ZBTB20: variants seen among roughly 807,000 people sequenced by gnomAD.
ZBTB20 encodes zinc finger and BTB domain-containing protein 20.
ZBTB20 carries 9 observed loss-of-function variants against 56.9 expected under a neutral mutation model. That is an observed-to-expected ratio of 0.16 (90% CI 0.10 to 0.28). The LOEUF (loss-of-function observed/expected upper bound fraction) is 0.28, where lower values mean the gene tolerates loss of function less well. Ranked by LOEUF, ZBTB20 falls within the 10% of genes least tolerant of loss-of-function variation. The pLI is 1.00. For synonymous variants in ZBTB20, 417 were observed against 420.7 expected (o/e 0.99, Z 0.11); for missense variants, 655 against 1,003.0 (o/e 0.65, Z 4.69).
chr3:115,038,829 AGTGGTAAC>A (rs2081033031), intron 2 of ZBTB20, among the ~76,000 whole-genome samples: 1 of 152,164 alleles, frequency 6.6e-6, no homozygotes, highest in African/African-American at 2.4e-5. Flanking sequence ...GCAATATGAA[AGTGGTAAC>A]GTCTAAAGGT....
At chr3:115,139,937 T>C (rs1338985764) in intron 1 of ZBTB20, among the ~76,000 whole-genome samples, 2 of 152,082 alleles carry the variant, frequency 1.3e-5, no homozygotes, top group African/African-American at 4.8e-5. Flanking sequence ...ACTAGTGTGC[T>C]ATGTTAGAAA....
intron 4 of ZBTB20, among the ~76,000 whole-genome samples, chr3:114,817,192 T>TACACACACACACACAC (rs56294507): frequency 2.7e-4 from 39 of 145,810 alleles, no homozygotes; most frequent in African/African-American, 7.7e-4. Context: ...ATACAACTTA[T>TACACACACACACACAC]ACACACACAC....
chr3:114,505,516 C>A (rs996779915), intron 6 of ZBTB20, among the ~76,000 whole-genome samples: 5 of 152,106 alleles, frequency 3.3e-5, no homozygotes, highest in Admixed American at 6.6e-5. Context: ...AATGGTGTGA[C>A]AACAGGACAG....
chr3:114,915,086 C>T (rs996554043), intron 3 of ZBTB20, among the ~76,000 whole-genome samples: 2 of 151,328 alleles, frequency 1.3e-5, no homozygotes, highest in African/African-American at 4.9e-5. Flanking sequence ...ATGATACTGG[C>T]CTCACAGAAG....
chr3:115,122,706 C>T (rs989737148), intron 1 of ZBTB20, among the ~76,000 whole-genome samples: 5 of 151,994 alleles, frequency 3.3e-5, no homozygotes, highest in African/African-American at 1.2e-4. Context: ...ATCTTTCTGA[C>T]CATACATTCC....
intron 3 of ZBTB20, among the ~76,000 whole-genome samples, chr3:114,915,761 C>T (rs2075718978): frequency 1.3e-5 from 2 of 151,794 alleles, no homozygotes; most frequent in African/African-American, 4.8e-5. Context: ...GTTCTGTTTC[C>T]ATTATCATTT....
At chr3:114,836,216 C>T (rs1264808572) in intron 4 of ZBTB20, among the ~76,000 whole-genome samples, 1 of 152,184 alleles carries the variant, frequency 6.6e-6, no homozygotes, top group Admixed American at 6.5e-5. Flanking sequence ...AAATACTACA[C>T]TGACTTTTTC....
At chr3:114,470,175 T>A (rs1026652769) in intron 7 of ZBTB20, among the ~76,000 whole-genome samples, 1 of 152,148 alleles carries the variant, frequency 6.6e-6, no homozygotes, top group African/African-American at 2.4e-5. Flanking sequence ...TTAACAGCTT[T>A]TTAAAAATGA....
chr3:114,388,148 G>C (rs1031660551), intron 8 of ZBTB20: 4 of 152,118 alleles, frequency 2.6e-5, no homozygotes, highest in African/African-American at 7.2e-5. Context: ...CCCATTACCT[G>C]CCTCATAACA....
At chr3:114,644,696 A>G (rs1228834983) in intron 6 of ZBTB20, among the ~76,000 whole-genome samples, 1 of 152,150 alleles carries the variant, frequency 6.6e-6, no homozygotes, top group Non-Finnish European at 1.5e-5. Flanking sequence ...GCTCATTACC[A>G]TAGGAATTAG....
chr3:114,736,544 TC>T (rs2066172930), intron 5 of ZBTB20, among the ~76,000 whole-genome samples: 1 of 152,194 alleles, frequency 6.6e-6, no homozygotes, highest in Non-Finnish European at 1.5e-5. Context: ...CATTTGGTTT[TC>T]TGTCACTGCT....
At position 114,384,152 on chromosome 3, in the gene ZBTB20, T is replaced by TTCTC. The variant is rs138940884; in HGVS notation, c.-153-3216_-153-3213dup. The stretch of plus-strand genomic sequence containing the variant: ...TCATTCTCTCTCTCTCTCTCTCATT[T>TTCTC]TCTCTCTCTCTCTCTCTCCAACCCC... On this transcript the variant is annotated intron_variant, in intron 8 of 11. Coordinates refer to ENST00000675478, the MANE Select transcript of ZBTB20 (RefSeq NM_001348800.3). 3.6e-4 allele frequency among the ~76,000 whole-genome samples: 52 copies of TTCTC among 144,972 alleles called. No individual in the cohort carries two copies. The East Asian group carries it at 4.0e-3, about 11-fold the overall frequency.
chr3:114,763,684 T>A (rs2068594651), intron 5 of ZBTB20, among the ~76,000 whole-genome samples: 2 of 152,134 alleles, frequency 1.3e-5, no homozygotes, highest in South Asian at 4.1e-4. Context: ...ATAGAGATTA[T>A]TACAAAATCT....
intron 5 of ZBTB20, among the ~76,000 whole-genome samples, chr3:114,720,892 G>C (rs2064865674): frequency 6.6e-6 from 1 of 152,106 alleles, no homozygotes; most frequent in Admixed American, 6.6e-5. Flanking sequence ...ATTCAGAATA[G>C]GGGTTTAGAG....
intron 6 of ZBTB20, among the ~76,000 whole-genome samples, chr3:114,691,195 G>C (rs956106267): frequency 7.2e-5 from 11 of 152,140 alleles, no homozygotes; most frequent in Admixed American, 7.2e-4. Flanking sequence ...ATACTATGAA[G>C]AAAAATACTA....
At chr3:114,650,210 C>T (rs1023675220) in intron 6 of ZBTB20, among the ~76,000 whole-genome samples, 3 of 138,330 alleles carry the variant, frequency 2.2e-5, no homozygotes, top group African/African-American at 6.4e-5. Context: ...AACTTCCACT[C>T]GTTTATATAA....
intron 3 of ZBTB20, among the ~76,000 whole-genome samples, chr3:114,959,689 C>CCA (rs749179978): frequency 6.8e-5 from 10 of 146,128 alleles, no homozygotes; most frequent in Admixed American, 2.8e-4. Context: ...TACACACACA[C>CCA]CACACACACA....
intron 5 of ZBTB20, among the ~76,000 whole-genome samples, chr3:114,780,708 G>C (rs1173912310): frequency 6.6e-6 from 1 of 152,060 alleles, no homozygotes; most frequent in Admixed American, 6.5e-5. Context: ...GGATGGTCTC[G>C]ATCTCTTGAT....
intron 3 of ZBTB20, among the ~76,000 whole-genome samples, chr3:114,940,247 CAT>C (rs2107847093): frequency 6.8e-6 from 1 of 146,490 alleles, no homozygotes; most frequent in East Asian, 1.9e-4. Flanking sequence ...CCATATGTCC[CAT>C]GTCCTAAAGA....
Sources: allele counts gnomAD v4.1 joint callset (sites outside exome capture counted in the v4.1 genomes callset), GRCh38; gene constraint gnomAD v4.1.1; transcripts MANE v1.5; gene names NCBI Gene and HGNC (gene_info 2026-07-23, HGNC 2026-07-21).